The following RHBDL2 variants were observed in gnomAD, a reference collection of about 807,000 sequenced individuals.
RHBDL2 encodes the protein rhomboid like 2, also known as rhomboid-related protein 2.
RHBDL2 carries 26 observed loss-of-function variants against 31.7 expected under a neutral mutation model. That is an observed-to-expected ratio of 0.82 (90% CI 0.60 to 1.14). The LOEUF (loss-of-function observed/expected upper bound fraction) is 1.14, where lower values mean the gene tolerates loss of function less well. RHBDL2 is among the 50% of genes most tolerant of loss of function. The pLI is 0.00. For missense variants in RHBDL2, 336 were observed against 364.4 expected (o/e 0.92, Z 0.63); for synonymous variants, 123 against 127.2 (o/e 0.97, Z 0.22).
chr1:38,906,399 G>A (rs1643067932), intron 4 of RHBDL2, among the ~76,000 whole-genome samples: 2 of 152,074 alleles, frequency 1.3e-5, no homozygotes, highest in South Asian at 4.1e-4. Context: ...CACAGGCCGG[G>A]CGCAGTGGCT....
chr1:38,935,543 A>G (rs1345184895), intron 1 of RHBDL2, among the ~76,000 whole-genome samples: 1 of 152,218 alleles, frequency 6.6e-6, no homozygotes, highest in African/African-American at 2.4e-5. Context: ...CGGTATCAGT[A>G]TTGAATTAGT....
intron 1 of RHBDL2, among the ~76,000 whole-genome samples, chr1:38,927,423 T>C (rs1643390891): frequency 6.6e-6 from 1 of 151,764 alleles, no homozygotes; most frequent in Non-Finnish European, 1.5e-5. Context: ...CCAGACTCCA[T>C]CTCAAAAAAA....
chr1:38,914,375 G>A (rs1643200392), intron 3 of RHBDL2, among the ~76,000 whole-genome samples: 2 of 151,942 alleles, frequency 1.3e-5, no homozygotes, highest in South Asian at 4.2e-4. Context: ...CTGAGTAGCT[G>A]AGATTACAAG....
chr1:38,897,413 A>G (rs963231682), intron 4 of RHBDL2, among the ~76,000 whole-genome samples: 3 of 152,076 alleles, frequency 2.0e-5, no homozygotes, highest in Non-Finnish European at 4.4e-5. Flanking sequence ...ACTTTGAAGA[A>G]TCTTTAAGAT....
At chr1:38,917,998 T>C (rs1643261315) in intron 2 of RHBDL2, among the ~76,000 whole-genome samples, 1 of 152,214 alleles carries the variant, frequency 6.6e-6, no homozygotes, top group Admixed American at 6.5e-5. Flanking sequence ...GATTGTCCTC[T>C]GTTAGGAAAA....
chr1:38,886,706 T>C, intron 7 of RHBDL2, 23 bp from the exon 8 acceptor site: 1 of 1,514,182 alleles, frequency 6.6e-7, no homozygotes. Context: ...GGAGGGAAAA[T>C]GGAAATAAGT....
intron 2 of RHBDL2, among the ~76,000 whole-genome samples, chr1:38,916,693 C>CAAAA (rs1286281973): frequency 7.4e-6 from 1 of 134,584 alleles, no homozygotes; most frequent in African/African-American, 2.7e-5. Flanking sequence ...ACTAAAAATA[C>CAAAA]AAAAAAAACA....
intron 1 of RHBDL2, chr1:38,926,214 C>G (rs937952104): frequency 9.0e-7 from 1 of 1,107,952 alleles, no homozygotes; most frequent in African/African-American, 1.6e-5. Context: ...AAATTCTTTA[C>G]AGTGGTTGCA....
At chr1:38,887,885 G>A in intron 7 of RHBDL2, 78 bp downstream of exon 7, 1 of 1,017,718 alleles carries the variant, frequency 9.8e-7, no homozygotes, top group South Asian at 1.4e-5. Context: ...CTAAATCACA[G>A]CGTTGTAACC....
At chr1:38,918,714 T>C (rs1464910598) in intron 2 of RHBDL2, among the ~76,000 whole-genome samples, 2 of 152,112 alleles carry the variant, frequency 1.3e-5, no homozygotes, top group African/African-American at 2.4e-5. Context: ...GCCACTGAAA[T>C]TGCAGCCACA....
intron 3 of RHBDL2, 145 bp downstream of exon 3, chr1:38,915,417 A>G: frequency 1.4e-6 from 1 of 732,250 alleles, no homozygotes; most frequent in South Asian, 1.9e-5. Context: ...GACATAAAAC[A>G]GTGGGAGCAA....
At position 38,919,319 on chromosome 1, in the gene RHBDL2, C is replaced by T; in HGVS notation, c.-107G>A. ...TTCCCTGGGCTGTCTGGCGCAACGA[C>T]TGCTTTCCAAGGCCTTTCCTGTATG... On this transcript the variant is annotated 5_prime_UTR_variant, in exon 2 of 8. Coordinates refer to ENST00000372990, the MANE Select transcript of RHBDL2 (RefSeq NM_017821.5). 6.2e-7 allele frequency: 1 copy of T among 1,601,684 alleles called. No homozygotes were observed.
chr1:38,924,526 G>A (rs544410648), intron 1 of RHBDL2, among the ~76,000 whole-genome samples: 13 of 152,022 alleles, frequency 8.6e-5, no homozygotes, highest in East Asian at 3.9e-4. Context: ...CCCAGGAGGC[G>A]GAGGTTGCAG....
chr1:38,923,901 A>AG (rs1330666650), intron 1 of RHBDL2, among the ~76,000 whole-genome samples: 1 of 152,154 alleles, frequency 6.6e-6, no homozygotes, highest in African/African-American at 2.4e-5. Flanking sequence ...TGCTGCGAGA[A>AG]GTTCTCATCC....
intron 2 of RHBDL2, among the ~76,000 whole-genome samples, chr1:38,916,077 G>T (rs184127745): frequency 1.2e-3 from 188 of 152,308 alleles, no homozygotes; most frequent in Admixed American, 4.7e-3. Flanking sequence ...TGCTATGAAA[G>T]TAGGTCAATG....
rs561419442 is a variant in RHBDL2 at position 38,932,705 on chromosome 1, C to T, written c.-126+8977G>A. Among the ~76,000 whole-genome samples the T allele has an allele frequency of 2.6e-5, 4 of 152,270 alleles. No individual in the cohort carries two copies. In the South Asian group the frequency reaches 8.3e-4, roughly 32 times the overall value. On this transcript the variant is annotated intron_variant, in intron 1 of 7. Transcript: ENST00000372990. ...GAACTCCTGAGCTCACGCGATCCAC[C>T]CACCTTGGCCTCCTGAAGTGCTGGA... is the stretch of plus-strand genomic sequence containing the variant.
intron 3 of RHBDL2, among the ~76,000 whole-genome samples, chr1:38,913,082 A>G (rs1643179550): frequency 6.6e-6 from 1 of 151,114 alleles, no homozygotes; most frequent in Non-Finnish European, 1.5e-5. Flanking sequence ...TCCTGGGTTC[A>G]AACGATTCTC....
At chr1:38,934,014 C>A (rs1268401650) in intron 1 of RHBDL2, among the ~76,000 whole-genome samples, 4 of 152,092 alleles carry the variant, frequency 2.6e-5, no homozygotes, top group Non-Finnish European at 4.4e-5. Context: ...AGGAGTTATC[C>A]ACCGTGCTGT....
chr1:38,912,957 T>C (rs1643175540), intron 3 of RHBDL2, among the ~76,000 whole-genome samples: 1 of 92,510 alleles, frequency 1.1e-5, no homozygotes, highest in Admixed American at 1.3e-4. Flanking sequence ...TGTATTTACA[T>C]ATACACGTGT....
Sources: gnomAD v4.1 joint callset for allele counts (sites outside exome capture counted in the v4.1 genomes callset) on GRCh38, gnomAD v4.1.1 for gene constraint, MANE v1.5 for transcripts, NCBI Gene and HGNC (gene_info 2026-07-23, HGNC 2026-07-21) for gene names.